The following GRTP1 variants were observed in gnomAD, a reference collection of about 807,000 sequenced individuals.
GRTP1 encodes the protein growth hormone-regulated TBC protein 1.
A neutral mutation model predicts 38.1 loss-of-function variants in GRTP1; 56 were observed. The ratio of observed to expected loss-of-function variants is 1.47; its 90% confidence interval spans 1.19 to 1.84. The LOEUF is 1.84. Among genes scored for constraint, GRTP1 ranks in the 40% most tolerant of loss-of-function variants. The pLI, the probability that GRTP1 is intolerant of heterozygous loss-of-function variation, is 0.00. For synonymous variants in GRTP1, 217 were observed against 189.5 expected (o/e 1.14, Z -1.19); for missense variants, 506 against 453.9 (o/e 1.11, Z -1.04).
intron 3 of GRTP1, 105 bp from the exon 4 acceptor site, chr13:113,351,078 G>A: frequency 3.4e-6 from 5 of 1,478,054 alleles, no homozygotes; most frequent in East Asian, 2.3e-5. Flanking sequence ...TGGGACTTAC[G>A]GACTGGTTTT....
chr13:113,325,436 A>G (rs2042745082), intron 7 of GRTP1: 3 of 1,443,640 alleles, frequency 2.1e-6, no homozygotes, highest in East Asian at 5.0e-5. Context: ...GACCAGGAGC[A>G]GCGTCCGCAG....
chr13:113,333,607 C>T (rs1030370200), intron 5 of GRTP1, among the ~76,000 whole-genome samples: 1 of 152,094 alleles, frequency 6.6e-6, no homozygotes, highest in Admixed American at 6.6e-5. Flanking sequence ...CAGGCTCAGA[C>T]AATTCTCGTG....
At chr13:113,361,065 G>A (rs1217843908) in intron 2 of GRTP1, among the ~76,000 whole-genome samples, 1 of 139,100 alleles carries the variant, frequency 7.2e-6, no homozygotes, top group Admixed American at 7.8e-5. Context: ...AGCCGAGATT[G>A]CGCCACTACC....
Position 113,328,154 on chromosome 13 carries a change from G to C in GRTP1, c.563-2063C>G, listed in dbSNP as rs1255459354. On this transcript the variant is annotated intron_variant, in intron 5 of 7. Transcript: ENST00000375431. The stretch of plus-strand genomic sequence containing the variant: ...CCAGGTGACCACCTCATCTGGTCTC[G>C]CGCCGCTATCCCCCCAGGCTCCTTG... 5.3e-5 allele frequency among the ~76,000 whole-genome samples: 8 copies of C among 152,240 alleles called. No individual in the cohort carries two copies. In the South Asian group the frequency reaches 1.5e-3, roughly 28 times the overall value.
chr13:113,327,387 C>T (rs1391791469), intron 5 of GRTP1, among the ~76,000 whole-genome samples: 1 of 152,194 alleles, frequency 6.6e-6, no homozygotes, highest in Non-Finnish European at 1.5e-5. Flanking sequence ...ACCATATTTG[C>T]CAGGCTGGTC....
In GRTP1 at chr13:113,346,032, AGACATCTGTG is replaced by A. The variant is rs1566428708; in HGVS notation, c.466-1083_466-1074del. Among the ~76,000 whole-genome samples the A allele has an allele frequency of 2.0e-3, 63 of 31,718 alleles. No homozygotes were observed. The South Asian group carries it at 0.063, about 32-fold the overall frequency. 20.8% of individuals were successfully genotyped at this position (31,718 alleles called of 152,430 possible). A position where few individuals can be genotyped will look rare whatever the true frequency, so the allele number is the denominator to read the frequency against. ...CCTCTGCGGCTGAGCAGACCTGGGA[AGACATCTGTG>A]GCCGAGAGCAGACCCGGGAGGACCT... On this transcript the variant is annotated intron_variant, in intron 4 of 7. Coordinates refer to ENST00000375431, the MANE Select transcript of GRTP1 (RefSeq NM_024719.4).
In GRTP1 at chr13:113,342,982, A is replaced by C. The variant is rs1277453644; in HGVS notation, c.562+1881T>G. Among the ~76,000 whole-genome samples the C allele has an allele frequency of 1.3e-5, 2 of 151,918 alleles. No individual in the cohort carries two copies. The highest frequency in any genetic ancestry group is 2.9e-5 in the Non-Finnish European group (2 of 67,984). ...GGTTGGTGCTGAGCCCTCCGACCTG[A>C]GCTCTCACCTGCTGCTGCTTGAGGT... On this transcript the variant is annotated intron_variant, in intron 5 of 7. Transcript: ENST00000375431. The surrounding 1 kb of genome is among the most constrained non-coding windows in gnomAD (Gnocchi z 4.5).
chr13:113,325,549 A>C, intron 7 of GRTP1, 112 bp downstream of exon 7: 6 of 1,577,084 alleles, frequency 3.8e-6, no homozygotes, highest in Non-Finnish European at 5.2e-6. Flanking sequence ...CCTGTGCCCT[A>C]TGCCCACTGG....
rs1244521931 is a variant in GRTP1, at chr13:113,325,137, T to C, written c.921+524A>G. On this transcript the variant is annotated intron_variant, in intron 7 of 7. Transcript: ENST00000375431. ...GAGCCACCGCGCCCGGCCAACATGG[T>C]CTTCTCTTTGATGAAGGCCCAGCTG... The C allele has an allele frequency of 8.8e-6, 9 of 1,024,308 alleles. No homozygotes were observed. In the African/African-American group the frequency reaches 1.5e-4, roughly 18 times the overall value. The allele number at this position is 1,024,308 out of a possible 1,614,324, so 63.5% of individuals were successfully genotyped here.
In GRTP1 at chr13:113,346,287, CGGATCTGGGAGGACCTCTGTGGCA is replaced by C. The variant is rs1566429853; in HGVS notation, c.466-1352_466-1329del. On this transcript the variant is annotated intron_variant, in intron 4 of 7. Transcript: ENST00000375431. ...ATCCGGGAGGACCTCTGTGGCTGAG[CGGATCTGGGAGGACCTCTGTGGCA>C]GAGAGCAGACCCGGGAGGACCTCTG... is the stretch of plus-strand genomic sequence containing the variant. 4.4e-3 allele frequency among the ~76,000 whole-genome samples: 77 copies of C among 17,522 alleles called. 5 individuals are homozygous for C. Among genetic ancestry groups the C allele is most frequent in the East Asian group, 0.016 (9 of 576 alleles). The allele number at this position is 17,522 out of a possible 152,430, so 11.5% of individuals were successfully genotyped here. A position where few individuals can be genotyped will look rare whatever the true frequency, so the allele number is the denominator to read the frequency against.
intron 5 of GRTP1, among the ~76,000 whole-genome samples, chr13:113,327,765 G>A (rs1304948206): frequency 6.6e-6 from 1 of 152,222 alleles, no homozygotes; most frequent in Non-Finnish European, 1.5e-5. Flanking sequence ...GCTGGGGAGA[G>A]AGGGGTGAAG....
intron 3 of GRTP1, among the ~76,000 whole-genome samples, chr13:113,354,182 C>T (rs780661565): frequency 5.6e-4 from 86 of 152,326 alleles, no homozygotes; most frequent in Non-Finnish European, 1.1e-3. Flanking sequence ...CACCCAAGCT[C>T]TCCTCTTCCC....
chr13:113,330,774 AGGTGCGTGCATGGAGC>A (rs1399276229), intron 5 of GRTP1, among the ~76,000 whole-genome samples: 101 of 158 alleles, frequency 0.64, 49 homozygotes, highest in African/African-American at 0.85. Context: ...GTGGAAACTC[AGGTGCGTGCATGGAGC>A]CCAGGTGCGT....
At chr13:113,329,055 G>A (rs2042817878) in intron 5 of GRTP1, among the ~76,000 whole-genome samples, 2 of 152,252 alleles carry the variant, frequency 1.3e-5, no homozygotes, top group Admixed American at 1.3e-4. Context: ...CACGCTTTAT[G>A]TCCCCCGATC....
intron 5 of GRTP1, among the ~76,000 whole-genome samples, chr13:113,331,306 G>A (rs543132684): frequency 6.6e-6 from 1 of 152,326 alleles, no homozygotes; most frequent in African/African-American, 2.4e-5. Flanking sequence ...GAGACCAGGT[G>A]CATGACCTGG....
rs1051952172 is a variant in GRTP1, at chr13:113,342,381, G to A, written c.562+2482C>T. ...AAATTGGCCAGGCGTAGTGGCGGGC[G>A]CCTGTAGTCCCAGCTACTCGGGAGG... is the stretch of plus-strand genomic sequence containing the variant. On this transcript the variant is annotated intron_variant, in intron 5 of 7. Coordinates refer to ENST00000375431, the MANE Select transcript of GRTP1 (RefSeq NM_024719.4). This position sits in a 1 kb window ranked among gnomAD's most constrained non-coding sequence, Gnocchi z 4.5. Among the ~76,000 whole-genome samples, 7 of 151,754 alleles carry A rather than the reference G, an allele frequency of 4.6e-5. No homozygotes were observed. The highest frequency in any genetic ancestry group is 1.9e-4 in the East Asian group (1 of 5,142).
intron 2 of GRTP1, among the ~76,000 whole-genome samples, chr13:113,358,805 T>C (rs7327521): frequency 0.98 from 149,392 of 152,354 alleles, 73,305 homozygotes; most frequent in Middle Eastern, 1. Flanking sequence ...GACACTCATA[T>C]ATTTGTGGTG....
rs372556333 is a variant in GRTP1 at position 113,355,492 on chromosome 13, A to T, written c.182-11T>A. 1.3e-4 allele frequency: 214 copies of T among 1,603,572 alleles called. No homozygotes were observed. The highest frequency in any genetic ancestry group is 1.6e-4 in the Non-Finnish European group (192 of 1,172,926). Reference sequence around the variant, plus strand: ...GGACATAGCGCTTCACTGAAGGCCGAGAGGACGGACAGCGTGTGAGCTGGA... The same window carrying T: ...GGACATAGCGCTTCACTGAAGGCCGTGAGGACGGACAGCGTGTGAGCTGGA... On this transcript the variant is annotated splice_polypyrimidine_tract_variant and intron_variant, in intron 2 of 7. Coordinates refer to ENST00000375431, the MANE Select transcript of GRTP1 (RefSeq NM_024719.4).
intron 6 of GRTP1, 35 bp from the exon 7 acceptor site, chr13:113,325,881 G>A (rs746907413): frequency 6.2e-7 from 1 of 1,613,750 alleles, no homozygotes; most frequent in Admixed American, 1.7e-5. Flanking sequence ...TCACTCCCTG[G>A]CGGCCCGCCC....
Sources: gnomAD v4.1 joint callset for allele counts (sites outside exome capture counted in the v4.1 genomes callset) on GRCh38, gnomAD v4.1.1 for gene constraint, Gnocchi (gnomAD v3.1) non-coding constraint, MANE v1.5 for transcripts, NCBI Gene and HGNC (gene_info 2026-07-23, HGNC 2026-07-21) for gene names.